The following KPNA1 variants were observed in gnomAD, a reference collection of about 807,000 sequenced individuals.
KPNA1 encodes the protein importin subunit alpha-5.
In KPNA1, 10 loss-of-function variants were observed where a neutral mutation model predicts 70.5. The ratio of observed to expected loss-of-function variants is 0.14; its 90% CI spans 0.09 to 0.24. The LOEUF is 0.24. Among genes scored for constraint, KPNA1 ranks in the 10% least tolerant of loss-of-function variants. The probability of loss-of-function intolerance (pLI) is 1.00; values close to 1 mark genes in which losing one functional copy is unlikely to be tolerated. For missense variants in KPNA1, 397 were observed against 637.9 expected (o/e 0.62, Z 4.07); for synonymous variants, 192 against 221.9 (o/e 0.87, Z 1.20).
rs1033765689 is a variant in KPNA1 at position 122,422,896 on chromosome 3, G to A, written c.*4089C>T. 3 of 152,148 alleles carry A rather than the reference G, an allele frequency of 2.0e-5. No individual in the cohort carries two copies. Among genetic ancestry groups the A allele is most frequent in the Non-Finnish European group, 2.9e-5 (2 of 68,038 alleles). The allele number at this position is 152,148 out of a possible 1,614,324, so 9.4% of individuals were successfully genotyped here. ...GTTTACCCTTAGTTGAAAACAGAACGGAACACTTCTTTTCTTTCTTCTTAC... is the reference window on the plus strand; with the variant it reads ...GTTTACCCTTAGTTGAAAACAGAACAGAACACTTCTTTTCTTTCTTCTTAC... On this transcript the variant is annotated 3_prime_UTR_variant, in exon 14 of 14. Transcript: ENST00000344337.
chr3:122,455,781 C>G (rs529473402), intron 5 of KPNA1, among the ~76,000 whole-genome samples: 5 of 152,240 alleles, frequency 3.3e-5, no homozygotes, highest in African/African-American at 9.6e-5. Flanking sequence ...GCCTTGAACT[C>G]CTGATCTCAA....
At chr3:122,508,016 A>G (rs565251149) in intron 1 of KPNA1, among the ~76,000 whole-genome samples, 2 of 152,358 alleles carry the variant, frequency 1.3e-5, no homozygotes, top group South Asian at 4.1e-4. Flanking sequence ...TTAATCTTCA[A>G]TAGGCACACA....
rs182435499 is a variant in KPNA1 at position 122,459,445 on chromosome 3, C to T, written c.432+1779G>A. 45 of 985,440 alleles carry T rather than the reference C, an allele frequency of 4.6e-5. No homozygotes were observed. In the Admixed American group the frequency reaches 2.6e-3, roughly 56 times the overall value. The allele number at this position is 985,440 out of a possible 1,614,324, so 61.0% of individuals were successfully genotyped here. ...ACAAAATAATTTTCCCTACCTCCCT[C>T]TTCCTACAAAGCATTTCAAATGATA... On this transcript the variant is annotated intron_variant, in intron 5 of 13. Coordinates refer to ENST00000344337, the MANE Select transcript of KPNA1 (RefSeq NM_002264.4).
intron 2 of KPNA1, among the ~76,000 whole-genome samples, chr3:122,488,228 T>C (rs1451496530): frequency 6.6e-6 from 1 of 152,154 alleles, no homozygotes; most frequent in Admixed American, 6.5e-5. Context: ...AGTTTAAAAA[T>C]CTTTATCCGG....
chr3:122,465,536 T>C (rs942909170), intron 3 of KPNA1, among the ~76,000 whole-genome samples: 1 of 152,250 alleles, frequency 6.6e-6, no homozygotes, highest in Non-Finnish European at 1.5e-5. Context: ...CACACCACTG[T>C]AAAGTTGAAA....
intron 9 of KPNA1, among the ~76,000 whole-genome samples, chr3:122,443,648 T>C (rs1003523967): frequency 1.3e-5 from 2 of 151,986 alleles, no homozygotes; most frequent in African/African-American, 4.8e-5. Context: ...TACACCTGAG[T>C]CTCCGGGGGT....
intron 2 of KPNA1, among the ~76,000 whole-genome samples, chr3:122,495,656 T>A (rs1339968030): frequency 6.7e-6 from 1 of 149,616 alleles, no homozygotes; most frequent in Non-Finnish European, 1.5e-5. Context: ...AGGGTTCTAA[T>A]TCATCTGCCT....
intron 1 of KPNA1, among the ~76,000 whole-genome samples, chr3:122,511,222 C>T (rs1051896984): frequency 3.3e-5 from 5 of 152,178 alleles, no homozygotes; most frequent in African/African-American, 1.2e-4. Flanking sequence ...ATTCTGACCC[C>T]AAGCTGCCTA....
intron 1 of KPNA1, among the ~76,000 whole-genome samples, chr3:122,512,896 T>C (rs540209972): frequency 5.9e-5 from 9 of 151,496 alleles, no homozygotes; most frequent in African/African-American, 2.2e-4. Flanking sequence ...TACTATTTAG[T>C]AGAGTGCTTT....
intron 5 of KPNA1, 101 bp from the exon 6 acceptor site, chr3:122,454,102 C>A: frequency 2.6e-6 from 2 of 769,994 alleles, no homozygotes; most frequent in South Asian, 4.3e-5. Context: ...ATTCTGAGAT[C>A]ATTATTTGCA....
At chr3:122,427,394 G>A (rs1160653178) in intron 13 of KPNA1, 144 bp downstream of exon 13, 1 of 814,940 alleles carries the variant, frequency 1.2e-6, no homozygotes, top group African/African-American at 1.7e-5. Context: ...ACATATGCAA[G>A]TAATATCCAG....
intron 2 of KPNA1, among the ~76,000 whole-genome samples, chr3:122,477,860 CAAAA>C (rs35446717): frequency 6.9e-6 from 1 of 144,668 alleles, no homozygotes; most frequent in Non-Finnish European, 1.5e-5. Flanking sequence ...ATATCTGTAT[CAAAA>C]AAAAAAAAAA....
intron 2 of KPNA1, among the ~76,000 whole-genome samples, chr3:122,477,230 A>G (rs1268673397): frequency 6.6e-6 from 1 of 152,224 alleles, no homozygotes; most frequent in East Asian, 1.9e-4. Context: ...CCAAACTCAC[A>G]GAAGTAGAGA....
intron 12 of KPNA1, among the ~76,000 whole-genome samples, chr3:122,429,067 T>TA (rs981424951): frequency 4.6e-5 from 7 of 152,118 alleles, no homozygotes; most frequent in Non-Finnish European, 1.0e-4. Context: ...TCCGTCATTT[T>TA]AAAAAAATGA....
In KPNA1 at chr3:122,442,886, G is replaced by T. The variant is rs537682877; in HGVS notation, c.918-770C>A. On this transcript the variant is annotated intron_variant, in intron 9 of 13. Transcript: ENST00000344337. ...CTGGTCTGCAGCTCCCAGAGTGATCGACGCAGAAGACGGGTGATTTCTGCA... is the reference window on the plus strand; with the variant it reads ...CTGGTCTGCAGCTCCCAGAGTGATCTACGCAGAAGACGGGTGATTTCTGCA... The T allele has an allele frequency of 2.6e-5, 4 of 152,278 alleles. 1 individual carries two copies. Among genetic ancestry groups the T allele is most frequent in the Admixed American group, 2.0e-4 (3 of 15,280 alleles). The allele number at this position is 152,278 out of a possible 1,614,324, so 9.4% of individuals were successfully genotyped here.
At chr3:122,456,330 A>G in intron 5 of KPNA1, among the ~76,000 whole-genome samples, 1 of 152,212 alleles carries the variant, frequency 6.6e-6, no homozygotes, top group Non-Finnish European at 1.5e-5. Flanking sequence ...CTGCAAACAT[A>G]AAGTCAAATA....
intron 2 of KPNA1, among the ~76,000 whole-genome samples, chr3:122,470,234 G>A (rs1056301126): frequency 3.9e-5 from 6 of 152,048 alleles, no homozygotes; most frequent in Non-Finnish European, 7.4e-5. Context: ...ATAAGTAGGC[G>A]GGGCACGGTG....
chr3:122,488,092 T>G (rs2076650854), intron 2 of KPNA1, among the ~76,000 whole-genome samples: 1 of 152,134 alleles, frequency 6.6e-6, no homozygotes, highest in Admixed American at 6.5e-5. Flanking sequence ...TGAATGACCT[T>G]CCAGCTAATA....
intron 12 of KPNA1, among the ~76,000 whole-genome samples, chr3:122,431,805 CTTTTT>C (rs199643020): frequency 6.9e-6 from 1 of 144,654 alleles, no homozygotes; most frequent in East Asian, 2.0e-4. Flanking sequence ...TCTTCTTCTT[CTTTTT>C]TTTTTTTTGT....
Sources: allele counts gnomAD v4.1 joint callset (sites outside exome capture counted in the v4.1 genomes callset), GRCh38; gene constraint gnomAD v4.1.1; transcripts MANE v1.5; gene names NCBI Gene and HGNC (gene_info 2026-07-23, HGNC 2026-07-21).